ZGRF1: variants seen among roughly 807,000 people sequenced by gnomAD.
The protein encoded by ZGRF1 is zinc finger GRF-type containing 1.
Under a neutral mutation model 203.5 loss-of-function variants are expected in ZGRF1, and 196 were observed. The observed-to-expected ratio is 0.96, with a 90% CI of 0.86 to 1.08. ZGRF1 has a LOEUF of 1.08. ZGRF1 is among the 50% of genes least tolerant of loss of function. ZGRF1 has a pLI of 0.00. For missense variants in ZGRF1, 2,326 were observed against 2,416.3 expected (o/e 0.96, Z 0.78); for synonymous variants, 809 against 841.3 (o/e 0.96, Z 0.66).
At chr4:112,622,980 C>T (rs1188111160) in intron 4 of ZGRF1, among the ~76,000 whole-genome samples, 1 of 152,170 alleles carries the variant, frequency 6.6e-6, no homozygotes, top group Non-Finnish European at 1.5e-5. Context: ...TACCCTCTCT[C>T]CGTTTCTCAG....
At chr4:112,623,788 TTAAAAA>T in intron 4 of ZGRF1, 23 bp downstream of exon 4, 2 of 1,234,280 alleles carry the variant, frequency 1.6e-6, no homozygotes, top group Non-Finnish European at 2.3e-6. Flanking sequence ...AAATAATAAC[TTAAAAA>T]TAAGATAAAC....
intron 6 of ZGRF1, among the ~76,000 whole-genome samples, chr4:112,615,234 A>AT (rs992871642): frequency 2.2e-4 from 33 of 148,262 alleles, no homozygotes; most frequent in East Asian, 9.9e-4. Flanking sequence ...CCCAAAACTA[A>AT]TTTTTTTTTT....
rs1428248411 is a variant in ZGRF1, at chr4:112,603,605, A to T, written c.2895T>A (p.Phe965Leu). 6.2e-7 allele frequency: 1 copy of T among 1,613,902 alleles called. No homozygotes were observed. Among genetic ancestry groups the T allele is most frequent in the Non-Finnish European group, 8.5e-7 (1 of 1,179,782 alleles). Reference sequence around the variant, plus strand: ...AGTTTTCATACTCAGTGCTATCTGGAAACTGACTGCATCCTAGCTGTGAGC... The same window carrying T: ...AGTTTTCATACTCAGTGCTATCTGGTAACTGACTGCATCCTAGCTGTGAGC... ...GHSSQLGCSQ[F>L]PDSTEYENFM... Residue 965 changes from phenylalanine (F) to leucine (L), a missense_variant, in exon 10 of 28, where the codon TTT becomes TTA. By Grantham distance (22) the Phe-to-Leu change is conservative (BLOSUM62 0). Coordinates refer to ENST00000505019, the MANE Select transcript of ZGRF1 (RefSeq NM_018392.5).
chr4:112,611,262 G>A (rs1489365053), intron 7 of ZGRF1, among the ~76,000 whole-genome samples: 1 of 152,236 alleles, frequency 6.6e-6, no homozygotes, highest in Non-Finnish European at 1.5e-5. Context: ...AATTAGCTGG[G>A]TGTGGTGGCA....
intron 10 of ZGRF1, among the ~76,000 whole-genome samples, chr4:112,590,251 C>T (rs1056349872): frequency 6.6e-6 from 1 of 152,136 alleles, no homozygotes; most frequent in African/African-American, 2.4e-5. Context: ...AAGGACTGAA[C>T]AGTTTTCTCT....
rs2047000340 is a variant in ZGRF1, at chr4:112,619,621, G to C, written c.421C>G (p.His141Asp). The C allele has an allele frequency of 8.1e-6, 13 of 1,613,912 alleles. No individual in the cohort carries two copies. The highest frequency in any genetic ancestry group is 1.0e-5 in the Non-Finnish European group (12 of 1,179,918). Residue 141 changes from histidine to aspartate, a missense_variant, in exon 6 of 28, where the codon CAT becomes GAT. His to Asp is a moderately conservative substitution (Grantham distance 81). Transcript: ENST00000505019. Reference sequence around the variant, plus strand: ...GTAGGGCCAGTTTTCTTAGCCTCATGTGATGCAGCTGATTCACCACTTTCC... The same window carrying C: ...GTAGGGCCAGTTTTCTTAGCCTCATCTGATGCAGCTGATTCACCACTTTCC... ...IMESGESAAS[H>D]EAKKTGPTIF...
At chr4:112,562,690 A>G (rs760341702) in intron 17 of ZGRF1, among the ~76,000 whole-genome samples, 4 of 152,242 alleles carry the variant, frequency 2.6e-5, no homozygotes, top group South Asian at 2.1e-4. Context: ...ATGGGTATGC[A>G]TAAACTGCAT....
Position 112,603,716 on chromosome 4 carries a change from A to C in ZGRF1, c.2803-19T>G. 6.3e-7 allele frequency: 1 copy of C among 1,593,750 alleles called. No homozygotes were observed. Among genetic ancestry groups the C allele is most frequent in the Non-Finnish European group, 8.6e-7 (1 of 1,163,956 alleles). On this transcript the variant is annotated intron_variant, in intron 9 of 27. Coordinates refer to ENST00000505019, the MANE Select transcript of ZGRF1 (RefSeq NM_018392.5). ...CAACAGGCTACAGGTAAATTATTAA[A>C]AATAAGAACTGCATAACTATATGTT...
Position 112,620,114 on chromosome 4 carries a change from C to A in ZGRF1, c.239G>T (p.Gly80Val). 6.2e-7 allele frequency: 1 copy of A among 1,613,498 alleles called. No homozygotes were observed. The highest frequency in any genetic ancestry group is 8.5e-7 in the Non-Finnish European group (1 of 1,179,658). The change falls in exon 5 of 28, where the codon GGT becomes GTT. Residue 80 changes from glycine to valine, a missense_variant. Coordinates refer to ENST00000505019, the MANE Select transcript of ZGRF1 (RefSeq NM_018392.5). ...TTTATTGACATTCTGCTTAACAATA[C>A]CTATGGCTCCAGCAACTTTAACCTC... is the stretch of plus-strand genomic sequence containing the variant. ...VEEVKVAGAI[G>V]IVKQNVNKEA...
Position 112,603,541 on chromosome 4 carries a change from G to A in ZGRF1, c.2959C>T (p.Gln987Ter), listed in dbSNP as rs778492834. 2 of 1,610,836 alleles carry A rather than the reference G, an allele frequency of 1.2e-6. No individual in the cohort carries two copies. Among genetic ancestry groups the A allele is most frequent in the South Asian group, 1.1e-5 (1 of 90,664 alleles). ...ATTTTTACCTGCAAGAAGTCAATCT[G>A]CATACACGTGCTAGGTAACTCTGGT... ...ETPELPSTCM[Q>*]IDFLQVTSPE... Residue 987 changes from glutamine (Q) to a stop codon, truncating the protein, a stop_gained, in exon 10 of 28, where the codon CAG (glutamine) becomes TAG (stop). Coordinates refer to ENST00000505019, the MANE Select transcript of ZGRF1 (RefSeq NM_018392.5). LOFTEE classifies it high-confidence loss of function.
chr4:112,555,862 G>C (rs1399736073), intron 20 of ZGRF1, among the ~76,000 whole-genome samples: 1 of 152,156 alleles, frequency 6.6e-6, no homozygotes, highest in African/African-American at 2.4e-5. Flanking sequence ...AAGCATTAAA[G>C]AATCTCTTTT....
At chr4:112,550,645 G>C (rs1350534926) in intron 22 of ZGRF1, among the ~76,000 whole-genome samples, 1 of 152,134 alleles carries the variant, frequency 6.6e-6, no homozygotes, top group Non-Finnish European at 1.5e-5. Flanking sequence ...TTAAGGTCAG[G>C]AGTTTGAGAC....
At chr4:112,627,942 C>G (rs1578493781) in intron 3 of ZGRF1, among the ~76,000 whole-genome samples, 1 of 152,152 alleles carries the variant, frequency 6.6e-6, no homozygotes, top group Non-Finnish European at 1.5e-5. Context: ...CATTTCGTAT[C>G]ATTTCATACA....
intron 4 of ZGRF1, 70 bp from the exon 5 acceptor site, chr4:112,620,260 T>C: frequency 1.6e-6 from 2 of 1,233,688 alleles, no homozygotes; most frequent in Non-Finnish European, 2.3e-6. Flanking sequence ...GGATGCTCAC[T>C]AGCACTAAGA....
In ZGRF1 at chr4:112,558,262, A is replaced by G. The variant is rs903449157; in HGVS notation, c.5008T>C (p.Phe1670Leu). The G allele has an allele frequency of 2.5e-6, 4 of 1,591,270 alleles. No homozygotes were observed. The highest frequency in any genetic ancestry group is 2.6e-6 in the Non-Finnish European group (3 of 1,171,444). Residue 1670 changes from phenylalanine (F) to leucine (L), a missense_variant, in exon 20 of 28, where the codon TTC (phenylalanine) becomes CTC (leucine). Transcript: ENST00000505019. The part of the protein sequence containing the change: ...KSYLLAVVIL[F>L]FVQLFEKSEA... ...CTCTTTTCAAACAGCTGTACAAAGA[A>G]CAAAATCACCACTGCCAGCAAGTAA...
chr4:112,619,988 A>C lies in ZGRF1; in HGVS notation c.351+14T>G. 1 of 1,548,416 alleles carries C rather than the reference A, an allele frequency of 6.5e-7. No homozygotes were observed. On this transcript the variant is annotated intron_variant, in intron 5 of 27. Transcript: ENST00000505019. ...AATATATTTTGATATATTATTTTCC[A>C]TAGCAAAACTTACAGTAAACTTCCT...
intron 16 of ZGRF1, among the ~76,000 whole-genome samples, chr4:112,576,452 AG>A (rs1170023464): frequency 1.3e-5 from 2 of 152,260 alleles, no homozygotes; most frequent in Non-Finnish European, 2.9e-5. Context: ...AGTCGAGAGA[AG>A]AAGGCTCCAG....
At position 112,562,418 on chromosome 4, in the gene ZGRF1, G is replaced by A. The variant is rs1256045859; in HGVS notation, c.4650C>T (p.Asp1550=). Residue 1550 remains aspartate, a synonymous_variant, in exon 18 of 28, where the codon GAC becomes GAT. Coordinates refer to ENST00000505019, the MANE Select transcript of ZGRF1 (RefSeq NM_018392.5). The part of the protein sequence containing the change: ...TELTTLKNIQ[D]YFNPATLPLT... ...GAGGTAGAGTAGCTGGATTAAAGTAGTCCTGAATGTTTTTCAAAGTAGTCA... is the reference window on the plus strand; with the variant it reads ...GAGGTAGAGTAGCTGGATTAAAGTAATCCTGAATGTTTTTCAAAGTAGTCA... 1 of 1,610,172 alleles carries A rather than the reference G, an allele frequency of 6.2e-7. No individual in the cohort carries two copies. Among genetic ancestry groups the A allele is most frequent in the South Asian group, 1.1e-5 (1 of 90,164 alleles).
intron 16 of ZGRF1, 84 bp downstream of exon 16, chr4:112,581,579 C>A (rs1249678103): frequency 7.1e-6 from 6 of 842,900 alleles, no homozygotes; most frequent in East Asian, 3.7e-5. Context: ...ATATAAAATT[C>A]TTTAATATAA....
Sources: gnomAD v4.1 joint callset for allele counts (sites outside exome capture counted in the v4.1 genomes callset) on GRCh38, gnomAD v4.1.1 for gene constraint, MANE v1.5 for transcripts, NCBI Gene and HGNC (gene_info 2026-07-23, HGNC 2026-07-21) for gene names.